The following KCTD16 variants were observed in gnomAD, a reference collection of about 807,000 sequenced individuals.
The protein encoded by KCTD16 is potassium channel tetramerization domain containing 16, also known as BTB/POZ domain-containing protein KCTD16.
Under a neutral mutation model 33.2 loss-of-function variants are expected in KCTD16, and 13 were observed. The ratio of observed to expected loss-of-function variants is 0.39; its 90% CI spans 0.25 to 0.62. KCTD16 has a LOEUF of 0.62. KCTD16 is among the 20% of genes least tolerant of loss of function. The pLI is 0.50. For missense variants in KCTD16, 441 were observed against 525.1 expected (o/e 0.84, Z 1.57); for synonymous variants, 197 against 195.3 (o/e 1.01, Z -0.07).
rs1445707255 is a variant in KCTD16 at position 144,485,142 on chromosome 5, C to G, written c.*11028C>G. ...GGGATGTAACACTGTAGATCTTCGC[C>G]TGCTGTATTTCTTTCTTACCTATTT... On this transcript the variant is annotated 3_prime_UTR_variant, in exon 4 of 4. Transcript: ENST00000512467. 1 of 151,790 alleles carries G rather than the reference C, an allele frequency of 6.6e-6. No individual in the cohort carries two copies. Among genetic ancestry groups the G allele is most frequent in the East Asian group, 1.9e-4 (1 of 5,146 alleles). 9.4% of individuals were successfully genotyped at this position (151,790 alleles called of 1,614,324 possible). A position where few individuals can be genotyped will look rare whatever the true frequency, so the allele number is the denominator to read the frequency against.
chr5:144,282,982 C>A (rs1755647250), intron 3 of KCTD16, among the ~76,000 whole-genome samples: 1 of 152,170 alleles, frequency 6.6e-6, no homozygotes, highest in South Asian at 2.1e-4. Flanking sequence ...CTCACCATAT[C>A]CATCCTACAG....
chr5:144,327,107 G>A (rs969242794), intron 3 of KCTD16, among the ~76,000 whole-genome samples: 8 of 152,212 alleles, frequency 5.3e-5, no homozygotes, highest in Admixed American at 3.3e-4. Context: ...TGTTGGCAAC[G>A]GTGAAGATTT....
At chr5:144,359,346 C>A (rs13188325) in intron 3 of KCTD16, among the ~76,000 whole-genome samples, 16,084 of 152,072 alleles carry the variant, frequency 0.11, 1,035 homozygotes, top group Middle Eastern at 0.19. Flanking sequence ...TTCAGTGGAG[C>A]CAAATTGTCC....
chr5:144,436,183 C>T (rs1753572323), intron 3 of KCTD16, among the ~76,000 whole-genome samples: 1 of 152,166 alleles, frequency 6.6e-6, no homozygotes, highest in Non-Finnish European at 1.5e-5. Flanking sequence ...TGGGCTAAAG[C>T]TAAATCCTGT....
At position 144,474,708 on chromosome 5, in the gene KCTD16, C is replaced by A. The variant is rs901411638; in HGVS notation, c.*594C>A. 2.0e-5 allele frequency: 3 copies of A among 152,918 alleles called. No homozygotes were observed. The highest frequency in any genetic ancestry group is 7.2e-5 in the African/African-American group (3 of 41,418). The allele number at this position is 152,918 out of a possible 1,614,324, so 9.5% of individuals were successfully genotyped here. On this transcript the variant is annotated 3_prime_UTR_variant, in exon 4 of 4. Coordinates refer to ENST00000512467, the MANE Select transcript of KCTD16 (RefSeq NM_020768.4). ...GACGCACACGATGCCAGGGCCTAGA[C>A]CTCCCAAGGGCTGTGCTCCTGCTCC...
At chr5:144,291,258 T>A (rs1186015646) in intron 3 of KCTD16, among the ~76,000 whole-genome samples, 1 of 152,192 alleles carries the variant, frequency 6.6e-6, no homozygotes, top group Non-Finnish European at 1.5e-5. Flanking sequence ...CACATTCACC[T>A]CCTGCTGCTT....
intron 3 of KCTD16, among the ~76,000 whole-genome samples, chr5:144,376,473 A>T (rs1288331783): frequency 1.3e-5 from 2 of 152,190 alleles, no homozygotes; most frequent in African/African-American, 4.8e-5. Flanking sequence ...GATTCCAGGT[A>T]TGAGTCTGGA....
rs145520952 is a variant in KCTD16 at position 144,208,986 on chromosome 5, A to G, written c.832+1440A>G. Among the ~76,000 whole-genome samples, 30 of 152,292 alleles carry G rather than the reference A, an allele frequency of 2.0e-4. No homozygotes were observed. In the East Asian group the frequency reaches 5.6e-3, roughly 28 times the overall value. ...TAAATTTCCCACTAGTGTAGAGATA[A>G]GATTCCGGCTTTTTAGCTTTCTATA... On this transcript the variant is annotated intron_variant, in intron 3 of 3. Coordinates refer to ENST00000512467, the MANE Select transcript of KCTD16 (RefSeq NM_020768.4).
rs1754664512 is a variant in KCTD16, at chr5:144,479,551, T to C, written c.*5437T>C. 1.3e-5 allele frequency: 2 copies of C among 151,786 alleles called. No individual in the cohort carries two copies. Among genetic ancestry groups the C allele is most frequent in the Admixed American group, 6.6e-5 (1 of 15,180 alleles). The allele number at this position is 151,786 out of a possible 1,614,324, so 9.4% of individuals were successfully genotyped here. On this transcript the variant is annotated 3_prime_UTR_variant, in exon 4 of 4. Transcript: ENST00000512467. ...TCATGAGTGAATATTTGAGTAAATA[T>C]TGCCAAAGGAAAGTGAAGGATGTTT...
chr5:144,198,947 T>C (rs148760263), intron 2 of KCTD16, among the ~76,000 whole-genome samples: 2,877 of 152,326 alleles, frequency 0.019, 42 homozygotes, highest in Middle Eastern at 0.044. Flanking sequence ...AACTCTGTTC[T>C]GCCTGATTCT....
intron 3 of KCTD16, among the ~76,000 whole-genome samples, chr5:144,429,535 C>CA (rs1332071692): frequency 5.9e-5 from 9 of 152,086 alleles, no homozygotes; most frequent in Non-Finnish European, 1.2e-4. Flanking sequence ...GGTTGGATCA[C>CA]ATACCTCTCT....
chr5:144,254,976 G>A (rs908132589), intron 3 of KCTD16, among the ~76,000 whole-genome samples: 1 of 151,980 alleles, frequency 6.6e-6, no homozygotes, highest in Non-Finnish European at 1.5e-5. Context: ...TATTGTCCAG[G>A]CTGGTCTTGA....
chr5:144,299,397 C>T (rs1345840300), intron 3 of KCTD16, among the ~76,000 whole-genome samples: 1 of 151,508 alleles, frequency 6.6e-6, no homozygotes, highest in Non-Finnish European at 1.5e-5. Flanking sequence ...GACAAAACTG[C>T]AGGGAAGGAA....
intron 3 of KCTD16, among the ~76,000 whole-genome samples, chr5:144,295,930 A>G (rs1756023248): frequency 6.6e-6 from 1 of 152,220 alleles, no homozygotes; most frequent in Non-Finnish European, 1.5e-5. Flanking sequence ...TCCAGAAAGG[A>G]ACATAATCTG....
At chr5:144,470,069 C>A (rs566867078) in intron 3 of KCTD16, among the ~76,000 whole-genome samples, 1 of 152,116 alleles carries the variant, frequency 6.6e-6, no homozygotes, top group East Asian at 1.9e-4. Context: ...GAGAATTATT[C>A]CAGCCAGTAT....
rs543634401 is a variant in KCTD16 at position 144,414,732 on chromosome 5, T to C, written c.833-58928T>C. On this transcript the variant is annotated intron_variant, in intron 3 of 3. Coordinates refer to ENST00000512467, the MANE Select transcript of KCTD16 (RefSeq NM_020768.4). ...GCATCTACTTATGCCTCAATTTTTTTCTGCTATATCACCCTCTCTCCAAAT... is the reference window on the plus strand; with the variant it reads ...GCATCTACTTATGCCTCAATTTTTTCCTGCTATATCACCCTCTCTCCAAAT... 5.3e-5 allele frequency among the ~76,000 whole-genome samples: 8 copies of C among 152,332 alleles called. No individual in the cohort carries two copies. In the East Asian group the frequency reaches 5.8e-4, roughly 11 times the overall value.
chr5:144,346,361 G>A (rs1381769641), intron 3 of KCTD16, among the ~76,000 whole-genome samples: 1 of 152,052 alleles, frequency 6.6e-6, no homozygotes, highest in Non-Finnish European at 1.5e-5. Flanking sequence ...CCTTTCTTTT[G>A]TGTGTATACC....
At chr5:144,373,533 A>G (rs1314151034) in intron 3 of KCTD16, among the ~76,000 whole-genome samples, 2 of 152,130 alleles carry the variant, frequency 1.3e-5, no homozygotes, top group East Asian at 3.9e-4. Context: ...AGATAACTAC[A>G]CTTGTGTTTT....
At chr5:144,264,231 T>G (rs1755082514) in intron 3 of KCTD16, among the ~76,000 whole-genome samples, 1 of 152,244 alleles carries the variant, frequency 6.6e-6, no homozygotes, top group Non-Finnish European at 1.5e-5. Context: ...AGATTATGCA[T>G]GCTTACTGTT....
Sources: gnomAD v4.1 joint callset for allele counts (sites outside exome capture counted in the v4.1 genomes callset) on GRCh38, gnomAD v4.1.1 for gene constraint, MANE v1.5 for transcripts, NCBI Gene and HGNC (gene_info 2026-07-23, HGNC 2026-07-21) for gene names.